The following ZHX2 variants were observed in gnomAD, a reference collection of about 807,000 sequenced individuals.
The protein encoded by ZHX2 is zinc fingers and homeoboxes protein 2.
Under a neutral mutation model 21.9 loss-of-function variants are expected in ZHX2, and 6 were observed. The observed-to-expected ratio is 0.27, with a 90% CI of 0.15 to 0.54. The LOEUF (loss-of-function observed/expected upper bound fraction) is 0.54. ZHX2 is among the 20% of genes least tolerant of loss of function. The pLI is 0.95. For synonymous variants in ZHX2, 434 were observed against 437.1 expected (o/e 0.99, Z 0.09); for missense variants, 908 against 1,090.7 (o/e 0.83, Z 2.36).
intron 3 of ZHX2, among the ~76,000 whole-genome samples, chr8:122,961,183 C>T (rs866006888): frequency 5.0e-4 from 76 of 152,328 alleles, no homozygotes; most frequent in African/African-American, 1.7e-3. Context: ...TCGTAGCTTG[C>T]CAACACCCAC....
At chr8:122,938,155 G>C (rs938455872) in intron 2 of ZHX2, among the ~76,000 whole-genome samples, 2 of 148,036 alleles carry the variant, frequency 1.4e-5, no homozygotes, top group African/African-American at 5.0e-5. Context: ...GGCTGGTCTC[G>C]ATCTCCTGAC....
At chr8:122,905,049 G>C (rs1820313923) in intron 2 of ZHX2, among the ~76,000 whole-genome samples, 1 of 152,192 alleles carries the variant, frequency 6.6e-6, no homozygotes, top group Non-Finnish European at 1.5e-5. Context: ...CCAGAGGAAA[G>C]AATCAGTGAA....
intron 1 of ZHX2, chr8:122,810,321 T>C (rs1172790344): frequency 6.6e-6 from 1 of 152,224 alleles, no homozygotes; most frequent in Admixed American, 6.5e-5. Flanking sequence ...GAGTATTAAA[T>C]GCAACAATGT....
intron 1 of ZHX2, among the ~76,000 whole-genome samples, chr8:122,810,139 C>T (rs1817897265): frequency 6.6e-6 from 1 of 152,164 alleles, no homozygotes; most frequent in Non-Finnish European, 1.5e-5. Context: ...TAATAAATGG[C>T]ATAAATGAAG....
At position 122,973,707 on chromosome 8, in the gene ZHX2, T is replaced by A. The variant is rs1490276711; in HGVS notation, c.*470T>A. The A allele has an allele frequency of 1.3e-5, 2 of 152,610 alleles. No individual in the cohort carries two copies. Among genetic ancestry groups the A allele is most frequent in the African/African-American group, 2.4e-5 (1 of 41,430 alleles). 9.5% of individuals were successfully genotyped at this position (152,610 alleles called of 1,614,324 possible). A position where few individuals can be genotyped will look rare whatever the true frequency, so the allele number is the denominator to read the frequency against. On this transcript the variant is annotated 3_prime_UTR_variant, in exon 4 of 4. Transcript: ENST00000314393. ...TTGGGGAAAGGGGTGTTAGCATTAG[T>A]GCCATGATATCTACTGGATTTTAAG...
intron 2 of ZHX2, among the ~76,000 whole-genome samples, chr8:122,919,005 C>A (rs1436818525): frequency 6.6e-6 from 1 of 152,010 alleles, no homozygotes; most frequent in Non-Finnish European, 1.5e-5. Context: ...GTTTGCCAAC[C>A]CCTGTCCCAA....
At chr8:122,932,940 G>C (rs1160729204) in intron 2 of ZHX2, among the ~76,000 whole-genome samples, 1 of 152,192 alleles carries the variant, frequency 6.6e-6, no homozygotes, top group Non-Finnish European at 1.5e-5. Context: ...ACTGGCTTCA[G>C]TGAATGGCTT....
chr8:122,871,811 A>G (rs1359275525), intron 2 of ZHX2, among the ~76,000 whole-genome samples: 1 of 150,716 alleles, frequency 6.6e-6, no homozygotes. Flanking sequence ...ACTAGCATTG[A>G]AACTGATTTT....
intron 2 of ZHX2, among the ~76,000 whole-genome samples, chr8:122,917,038 C>G (rs543457449): frequency 2.4e-4 from 36 of 152,314 alleles, no homozygotes; most frequent in African/African-American, 3.8e-4. Context: ...CAGTCCCCCC[C>G]ACCAGGCAGC....
chr8:122,939,046 A>T (rs1812776236), intron 2 of ZHX2, among the ~76,000 whole-genome samples: 1 of 152,210 alleles, frequency 6.6e-6, no homozygotes. Context: ...TGTAATCATA[A>T]ACTTCCTTTG....
chr8:122,953,300 C>G lies in ZHX2; in HGVS notation c.1790C>G (p.Ser597Cys). Residue 597 changes from serine (S) to cysteine (C), a missense_variant, in exon 3 of 4, where the codon TCT becomes TGT. Physicochemically the swap from Ser to Cys is moderately radical, Grantham distance 112. Transcript: ENST00000314393. This position sits in a 1 kb window ranked among gnomAD's most constrained non-coding sequence, Gnocchi z 4.6. ...MEQAVLDSMG[S>C]GKKGQDVGAP... ...CAAGCTGTCTTGGATTCCATGGGGT[C>G]TGGCAAAAAAGGCCAAGATGTGGGA... 6.2e-7 allele frequency: 1 copy of G among 1,614,050 alleles called. No individual in the cohort carries two copies. Among genetic ancestry groups the G allele is most frequent in the Non-Finnish European group, 8.5e-7 (1 of 1,180,030 alleles).
chr8:122,901,854 G>GA (rs956879520), intron 2 of ZHX2, among the ~76,000 whole-genome samples: 22 of 151,872 alleles, frequency 1.4e-4, no homozygotes, highest in Admixed American at 1.1e-3. Context: ...TTGTAAGGGG[G>GA]AAAAAAAATC....
chr8:122,970,974 TTA>T (rs1461129606), intron 3 of ZHX2, among the ~76,000 whole-genome samples: 2 of 152,212 alleles, frequency 1.3e-5, no homozygotes, highest in Admixed American at 1.3e-4. Context: ...GGAGGAGCAA[TTA>T]AGAATCAGGA....
Position 122,929,640 on chromosome 8 carries a change from TA to T in ZHX2, c.-219-21636del, listed in dbSNP as rs754405611. Among the ~76,000 whole-genome samples the T allele has an allele frequency of 5.9e-3, 805 of 136,194 alleles. 1 individual carries two copies. Among genetic ancestry groups the T allele is most frequent in the Middle Eastern group, 7.6e-3 (2 of 262 alleles). 89.3% of individuals were successfully genotyped at this position (136,194 alleles called of 152,430 possible). On this transcript the variant is annotated intron_variant, in intron 2 of 3. Transcript: ENST00000314393. ...CCTGGGTGACAGCGAGACCATGTCT[TA>T]AAAAAAAAAAAAAAAGACAGTTGTT...
intron 2 of ZHX2, among the ~76,000 whole-genome samples, chr8:122,946,111 A>G (rs1486255123): frequency 6.6e-6 from 1 of 152,188 alleles, no homozygotes; most frequent in East Asian, 1.9e-4. Flanking sequence ...TATTCTTAAC[A>G]TGTATTTTGT....
chr8:122,807,384 A>T (rs1362715286), intron 1 of ZHX2, among the ~76,000 whole-genome samples: 1 of 152,192 alleles, frequency 6.6e-6, no homozygotes, highest in African/African-American at 2.4e-5. Context: ...TTTGACATTT[A>T]TTCAGGATTT....
chr8:122,924,462 T>A (rs73711256), intron 2 of ZHX2, among the ~76,000 whole-genome samples: 3,393 of 152,270 alleles, frequency 0.022, 115 homozygotes, highest in African/African-American at 0.078. Context: ...AGACTCAAAA[T>A]CTAAGGTACT....
At chr8:122,846,092 C>T (rs139271092) in intron 1 of ZHX2, among the ~76,000 whole-genome samples, 4 of 152,222 alleles carry the variant, frequency 2.6e-5, no homozygotes, top group Admixed American at 6.5e-5. Flanking sequence ...TTCAGAGATA[C>T]GTAGAGCATC....
Position 122,953,083 on chromosome 8 carries a change from T to C in ZHX2, c.1573T>C (p.Tyr525His), listed in dbSNP as rs943851881. The C allele has an allele frequency of 2.7e-5, 44 of 1,613,902 alleles. No individual in the cohort carries two copies. Among genetic ancestry groups the C allele is most frequent in the Non-Finnish European group, 3.6e-5 (43 of 1,180,044 alleles). ...ASRHGRTYHA[Y>H]PDFAPQKFKE... Reference sequence around the variant, plus strand: ...CCGACACGGTCGCACGTATCATGCGTACCCAGACTTTGCCCCCCAGAAGTT... The same window carrying C: ...CCGACACGGTCGCACGTATCATGCGCACCCAGACTTTGCCCCCCAGAAGTT... Residue 525 changes from tyrosine to histidine, a missense_variant, in exon 3 of 4, where the codon TAC (tyrosine) becomes CAC (histidine). This residue lies in a region of ZHX2 where 431 missense variants were observed against 428.6 expected (regional missense o/e 1.01). Transcript: ENST00000314393. The surrounding 1 kb of genome is among the most constrained non-coding windows in gnomAD (Gnocchi z 4.6).
Sources: allele counts gnomAD v4.1 joint callset (sites outside exome capture counted in the v4.1 genomes callset), GRCh38; gene constraint gnomAD v4.1.1; regional missense constraint gnomAD v4.1.1; non-coding constraint Gnocchi (gnomAD v3.1); transcripts MANE v1.5; gene names NCBI Gene and HGNC (gene_info 2026-07-23, HGNC 2026-07-21).